Variants in PCCB observed in about 807,000 individuals in gnomAD.
PCCB encodes the protein propionyl-CoA carboxylase beta chain, mitochondrial.
PCCB carries 43 observed loss-of-function variants against 60.7 expected under a neutral mutation model. That is an observed-to-expected ratio of 0.71 (90% CI 0.55 to 0.91). The LOEUF is 0.91. Among genes scored for constraint, PCCB ranks in the 40% least tolerant of loss-of-function variants. The pLI, the probability that PCCB is intolerant of heterozygous loss-of-function variation, is 0.00. For synonymous variants in PCCB, 276 were observed against 255.9 expected (o/e 1.08, Z -0.75); for missense variants, 766 against 702.8 (o/e 1.09, Z -1.02).
chr3:136,292,175 A>G (rs192218845), intron 6 of PCCB, among the ~76,000 whole-genome samples: 1 of 151,998 alleles, frequency 6.6e-6, no homozygotes, highest in East Asian at 1.9e-4. Flanking sequence ...TTTGTTAAGA[A>G]GGAGTATCAA....
intron 1 of PCCB, among the ~76,000 whole-genome samples, chr3:136,254,518 CTTTTTTTTTTTTTTTTTTTTTTTTTT>C (rs3994953): frequency 2.2e-5 from 1 of 45,928 alleles, no homozygotes; most frequent in Non-Finnish European, 3.7e-5. Flanking sequence ...CTGCGGCTAG[CTTTTTTTTTTTTTTTTTTTTTTTTTT>C]TTTTAAAAGA....
chr3:136,260,156 C>G (rs1941781046), intron 3 of PCCB: 1 of 427,082 alleles, frequency 2.3e-6, no homozygotes, highest in Non-Finnish European at 4.4e-6. Flanking sequence ...TCACTGAAGC[C>G]TCTGTCTCCA....
chr3:136,280,759 C>T (rs1370865233), intron 5 of PCCB, among the ~76,000 whole-genome samples: 1 of 152,194 alleles, frequency 6.6e-6, no homozygotes, highest in Non-Finnish European at 1.5e-5. Context: ...CTTATAGGAT[C>T]AAGCAGTCTT....
chr3:136,311,811 A>C (rs2108220148), intron 9 of PCCB, among the ~76,000 whole-genome samples: 1 of 152,278 alleles, frequency 6.6e-6, no homozygotes, highest in Non-Finnish European at 1.5e-5. Context: ...CAAAACATTA[A>C]AATAGACTTG....
Position 136,282,844 on chromosome 3 carries a change from C to T in PCCB, c.544-993C>T, listed in dbSNP as rs138971672. Among the ~76,000 whole-genome samples, 1,215 of 152,290 alleles carry T rather than the reference C, an allele frequency of 8.0e-3. 19 individuals carry two copies. The highest frequency in any genetic ancestry group is 0.028 in the African/African-American group (1,151 of 41,546). ...TGGTGGCAGCCTTGGTTAAGAATGC[C>T]ACAGGCTTTCACTGTTCTTATCTCA... On this transcript the variant is annotated intron_variant, in intron 5 of 14. Transcript: ENST00000251654.
rs137942280 is a variant in PCCB, at chr3:136,263,254, GTT to G, written c.543+1205_543+1206del. 6.7e-3 allele frequency among the ~76,000 whole-genome samples: 845 copies of G among 125,934 alleles called. 12 individuals are homozygous for G. The highest frequency in any genetic ancestry group is 0.024 in the African/African-American group (800 of 33,028). 82.6% of individuals were successfully genotyped at this position (125,934 alleles called of 152,430 possible). ...AGGTGTGAGCCACCGCGCCCAGCTG[GTT>G]TTTTTTTTTTTTTTTAATATTTATT... On this transcript the variant is annotated intron_variant, in intron 5 of 14. Transcript: ENST00000251654.
At chr3:136,256,107 TA>T in intron 2 of PCCB, 132 bp downstream of exon 2, 2 of 1,358,542 alleles carry the variant, frequency 1.5e-6, no homozygotes, top group Non-Finnish European at 2.0e-6. Flanking sequence ...CAAGCCCAGA[TA>T]ATTTTTGTAT....
chr3:136,268,095 T>C (rs1245694532), intron 5 of PCCB, among the ~76,000 whole-genome samples: 1 of 92,248 alleles, frequency 1.1e-5, no homozygotes, highest in African/African-American at 4.8e-5. Flanking sequence ...TAGATATATA[T>C]ATATATATAT....
chr3:136,296,933 G>A (rs1445696132), intron 7 of PCCB, among the ~76,000 whole-genome samples: 1 of 152,220 alleles, frequency 6.6e-6, no homozygotes, highest in Non-Finnish European at 1.5e-5. Context: ...AAAGACACCT[G>A]CCCATATGGG....
chr3:136,314,452 T>G (rs1934799068), intron 9 of PCCB, among the ~76,000 whole-genome samples: 1 of 152,230 alleles, frequency 6.6e-6, no homozygotes, highest in South Asian at 2.1e-4. Flanking sequence ...CTTCGGAGTT[T>G]GAGCCCAGCC....
rs940782331 is a variant in PCCB, at chr3:136,324,597, GT to G, written c.1091-2196del. Among the ~76,000 whole-genome samples the G allele has an allele frequency of 1.1e-4, 16 of 148,556 alleles. 1 individual carries two copies. The highest frequency in any genetic ancestry group is 6.4e-4 in the South Asian group (3 of 4,686). ...CACTAATTTCCTAAAGACACTCTCT[GT>G]TTTTTTTTTCTCCCATATCTTAGGT... On this transcript the variant is annotated intron_variant, in intron 10 of 14. Transcript: ENST00000251654.
intron 9 of PCCB, among the ~76,000 whole-genome samples, chr3:136,307,833 G>C (rs1459173178): frequency 1.3e-5 from 2 of 152,038 alleles, no homozygotes; most frequent in Non-Finnish European, 2.9e-5. Flanking sequence ...AAATTAGCCA[G>C]GTGTGGTGGC....
At chr3:136,256,081 G>T in intron 2 of PCCB, 106 bp downstream of exon 2, 1 of 1,512,706 alleles carries the variant, frequency 6.6e-7, no homozygotes, top group Non-Finnish European at 9.1e-7. Context: ...GTCCTCTGCA[G>T]AGGCACTGCA....
chr3:136,259,026 GTTC>G (rs2108141864), intron 3 of PCCB: 1 of 610,530 alleles, frequency 1.6e-6, no homozygotes, highest in African/African-American at 1.9e-5. Flanking sequence ...AGCTGATTCT[GTTC>G]TTAATTCCTA....
chr3:136,264,430 A>ATGTGTG (rs144141514), intron 5 of PCCB, among the ~76,000 whole-genome samples: 43 of 129,392 alleles, frequency 3.3e-4, no homozygotes, highest in African/African-American at 1.3e-3. Flanking sequence ...TCTCATATAT[A>ATGTGTG]TGTGTGTGTG....
At chr3:136,279,567 C>G (rs1234605811) in intron 5 of PCCB, among the ~76,000 whole-genome samples, 6 of 152,018 alleles carry the variant, frequency 3.9e-5, no homozygotes, top group Admixed American at 3.9e-4. Context: ...CTCCATCCTT[C>G]CTTTTTTATG....
chr3:136,259,188 T>C (rs1293771970), intron 3 of PCCB: 1 of 1,452,134 alleles, frequency 6.9e-7, no homozygotes, highest in Non-Finnish European at 9.1e-7. Context: ...AATAATAGGC[T>C]GGGCACAGTG....
At position 136,266,982 on chromosome 3, in the gene PCCB, A is replaced by G. The variant is rs185561718; in HGVS notation, c.543+4917A>G. ...ACTGCAACCTCCACTTCCTGGGTTC[A>G]AGTGATTCTCGTGCCTCAGTCACCC... On this transcript the variant is annotated intron_variant, in intron 5 of 14. Coordinates refer to ENST00000251654, the MANE Select transcript of PCCB (RefSeq NM_000532.5). Among the ~76,000 whole-genome samples the G allele has an allele frequency of 3.3e-5, 5 of 152,256 alleles. No homozygotes were observed. In the East Asian group the frequency reaches 7.7e-4, roughly 24 times the overall value.
chr3:136,263,243 G>T (rs1467380576), intron 5 of PCCB, among the ~76,000 whole-genome samples: 2 of 139,112 alleles, frequency 1.4e-5, no homozygotes, highest in South Asian at 4.8e-4. Flanking sequence ...GTGAGCCACC[G>T]CGCCCAGCTG....
Sources: gnomAD v4.1 joint callset for allele counts (sites outside exome capture counted in the v4.1 genomes callset) on GRCh38, gnomAD v4.1.1 for gene constraint, MANE v1.5 for transcripts, NCBI Gene and HGNC (gene_info 2026-07-23, HGNC 2026-07-21) for gene names.